Variants in DNAJC10 observed in about 807,000 individuals in gnomAD.
DNAJC10 encodes the protein DnaJ heat shock protein family (Hsp40) member C10, also known as endoplasmic reticulum disulfide reductase DNAJC10.
In DNAJC10, 101 loss-of-function variants were observed where a neutral mutation model predicts 115.0. The observed-to-expected ratio is 0.88, with a 90% CI of 0.75 to 1.04. The LOEUF is 1.04. Among genes scored for constraint, DNAJC10 ranks in the 50% least tolerant of loss-of-function variants. The pLI is 0.00. For synonymous variants in DNAJC10, 307 were observed against 301.5 expected (o/e 1.02, Z -0.19); for missense variants, 981 against 928.8 (o/e 1.06, Z -0.73).
chr2:182,727,284 T>G (rs1034644682), intron 5 of DNAJC10, among the ~76,000 whole-genome samples: 1 of 152,132 alleles, frequency 6.6e-6, no homozygotes, highest in Non-Finnish European at 1.5e-5. Flanking sequence ...CAAATTTGTT[T>G]TACAGCATAT....
intron 11 of DNAJC10, among the ~76,000 whole-genome samples, chr2:182,739,359 GC>G (rs1397187906): frequency 6.6e-6 from 1 of 151,052 alleles, no homozygotes; most frequent in African/African-American, 2.4e-5. Context: ...CTCATGTCTA[GC>G]ATGATTAAAC....
intron 22 of DNAJC10, among the ~76,000 whole-genome samples, chr2:182,773,411 T>C (rs1694618424): frequency 6.6e-6 from 1 of 152,182 alleles, no homozygotes; most frequent in African/African-American, 2.4e-5. Flanking sequence ...CTGGATAATA[T>C]CCTGAAGAGT....
At position 182,792,690 on chromosome 2, in the gene DNAJC10, A is replaced by G. The variant is rs937837519; in HGVS notation, c.*15558A>G. 4 of 152,212 alleles carry G rather than the reference A, an allele frequency of 2.6e-5. 1 individual carries two copies. The highest frequency in any genetic ancestry group is 4.4e-5 in the Non-Finnish European group (3 of 68,046). 9.4% of individuals were successfully genotyped at this position (152,212 alleles called of 1,614,324 possible). On this transcript the variant is annotated 3_prime_UTR_variant, in exon 24 of 24. Transcript: ENST00000264065. Reference sequence around the variant, plus strand: ...TGAAGTTAGACTCAATTCTTCCGCTAATGGAACATCGTAATCCTCCTTGTC... The same window carrying G: ...TGAAGTTAGACTCAATTCTTCCGCTGATGGAACATCGTAATCCTCCTTGTC...
intron 8 of DNAJC10, among the ~76,000 whole-genome samples, chr2:182,730,318 G>A (rs1693411194): frequency 1.3e-5 from 2 of 152,062 alleles, no homozygotes. Context: ...CTAATCTTAG[G>A]CTTTTAACTC....
At chr2:182,762,638 T>A in intron 21 of DNAJC10, 44 bp from the exon 22 acceptor site, 1 of 1,603,608 alleles carries the variant, frequency 6.2e-7, no homozygotes, top group Non-Finnish European at 8.5e-7. Context: ...GCCAAAATAG[T>A]TTATGCCAAA....
At position 182,736,377 on chromosome 2, in the gene DNAJC10, CAG is replaced by C. The variant is rs2105636229; in HGVS notation, c.979_980del (p.Ser327TyrfsTer10). ...CCACTTTAAATAACAAAGAGAAAAA[CAG>C]TATTTTGGTATGAATCACTTTAAAC... Reference protein sequence around the residue: ...GATLNNKEKNSILFLNSLDAK... With the variant: ...GATLNNKEKNXILFLNSLDAK... On this transcript the variant is annotated frameshift_variant, in exon 11 of 24. Coordinates refer to ENST00000264065, the MANE Select transcript of DNAJC10 (RefSeq NM_018981.4). LOFTEE classifies it high-confidence loss of function. 2 of 1,573,826 alleles carry C rather than the reference CAG, an allele frequency of 1.3e-6. No homozygotes were observed. The highest frequency in any genetic ancestry group is 2.4e-5 in the East Asian group (1 of 42,342).
At chr2:182,757,598 A>G (rs1559019024) in intron 18 of DNAJC10, 94 bp from the exon 19 acceptor site, 7 of 889,894 alleles carry the variant, frequency 7.9e-6, no homozygotes, top group Non-Finnish European at 1.0e-5. Context: ...GATAAATAAT[A>G]TAATAACTGT....
rs748977756 is a variant in DNAJC10 at position 182,728,618 on chromosome 2, A to C, written c.461A>C (p.Tyr154Ser). ...GGAGAACTGTGGTTTGTAAATTTTT[A>C]CTCCCCAGGCTGTTCACACTGCCAT... ...NSGELWFVNF[Y>S]SPGCSHCHDL... Residue 154 changes from tyrosine (Y) to serine (S), a missense_variant, in exon 6 of 24, where the codon TAC becomes TCC. Tyr to Ser is a moderately radical substitution (Grantham distance 144). Transcript: ENST00000264065. 1 of 1,611,958 alleles carries C rather than the reference A, an allele frequency of 6.2e-7. No homozygotes were observed. The highest frequency in any genetic ancestry group is 1.3e-5 in the African/African-American group (1 of 74,766).
intron 10 of DNAJC10, among the ~76,000 whole-genome samples, chr2:182,734,828 C>G (rs540583211): frequency 2.6e-5 from 4 of 151,728 alleles, no homozygotes; most frequent in African/African-American, 4.8e-5. Flanking sequence ...TATCTCCTTT[C>G]GTGCCTTTTG....
At chr2:182,754,912 G>A in intron 16 of DNAJC10, 91 bp from the exon 17 acceptor site, 3 of 1,302,180 alleles carry the variant, frequency 2.3e-6, no homozygotes, top group Admixed American at 2.3e-5. Context: ...TTAAAATCTT[G>A]TTCTTGTTAC....
intron 22 of DNAJC10, among the ~76,000 whole-genome samples, chr2:182,766,870 C>A (rs288292): frequency 6.6e-6 from 1 of 151,768 alleles, no homozygotes; most frequent in African/African-American, 2.4e-5. Context: ...GGTGCTGTTG[C>A]CTGAACGGGG....
chr2:182,726,606 C>G (rs1452807624), intron 5 of DNAJC10, among the ~76,000 whole-genome samples: 1 of 152,186 alleles, frequency 6.6e-6, no homozygotes, highest in African/African-American at 2.4e-5. Context: ...TCATTGTCAT[C>G]TCATTTTAAG....
chr2:182,750,145 CAA>C (rs538209337), intron 14 of DNAJC10, among the ~76,000 whole-genome samples: 8 of 152,036 alleles, frequency 5.3e-5, no homozygotes, highest in South Asian at 2.1e-4. Context: ...TGTGGGAGGT[CAA>C]GAGAGAGAGA....
rs1374241764 is a variant in DNAJC10, at chr2:182,789,490, G to C, written c.*12358G>C. Reference sequence around the variant, plus strand: ...CCTGCCTTGGTCTCCCAAAGTGCTGGGATTACAGGCGTGAGCCACCGCACC... The same window carrying C: ...CCTGCCTTGGTCTCCCAAAGTGCTGCGATTACAGGCGTGAGCCACCGCACC... On this transcript the variant is annotated 3_prime_UTR_variant, in exon 24 of 24. Coordinates refer to ENST00000264065, the MANE Select transcript of DNAJC10 (RefSeq NM_018981.4). 4 of 152,270 alleles carry C rather than the reference G, an allele frequency of 2.6e-5. No homozygotes were observed. Among genetic ancestry groups the C allele is most frequent in the Non-Finnish European group, 5.9e-5 (4 of 68,140 alleles). 9.4% of individuals were successfully genotyped at this position (152,270 alleles called of 1,614,324 possible).
intron 5 of DNAJC10, among the ~76,000 whole-genome samples, chr2:182,725,008 G>C (rs1211302058): frequency 6.6e-6 from 1 of 152,082 alleles, no homozygotes; most frequent in Non-Finnish European, 1.5e-5. Flanking sequence ...CATCAAGCGA[G>C]TCTATCAGCT....
chr2:182,731,447 T>C (rs1198536399), intron 9 of DNAJC10, among the ~76,000 whole-genome samples: 1 of 152,054 alleles, frequency 6.6e-6, no homozygotes, highest in African/African-American at 2.4e-5. Context: ...AAAATAATAA[T>C]TTTTTGGAAA....
In DNAJC10 at chr2:182,717,932, C is replaced by A; in HGVS notation, c.-146-9C>A. 2.0e-6 allele frequency: 1 copy of A among 498,168 alleles called. No homozygotes were observed. The highest frequency in any genetic ancestry group is 3.5e-6 in the Non-Finnish European group (1 of 288,028). The allele number at this position is 498,168 out of a possible 1,614,324, so 30.9% of individuals were successfully genotyped here. A position where few individuals can be genotyped will look rare whatever the true frequency, so the allele number is the denominator to read the frequency against. ...AAATGTATTTTAACTGCCTGCTTTT[C>A]TTTCTTAGATTAATATTTTTGGGGA... On this transcript the variant is annotated splice_polypyrimidine_tract_variant and intron_variant, in intron 2 of 23. Transcript: ENST00000264065.
At chr2:182,774,431 TG>T (rs1392166186) in intron 22 of DNAJC10, among the ~76,000 whole-genome samples, 1 of 152,256 alleles carries the variant, frequency 6.6e-6, no homozygotes, top group Non-Finnish European at 1.5e-5. Context: ...TGCTGCCTTT[TG>T]TTCAGCTATG....
At chr2:182,776,045 T>C (rs1350531718) in intron 23 of DNAJC10, among the ~76,000 whole-genome samples, 3 of 152,100 alleles carry the variant, frequency 2.0e-5, no homozygotes, top group Non-Finnish European at 4.4e-5. Context: ...TAGATTGTAA[T>C]GACAGTTGGA....
Sources: allele counts gnomAD v4.1 joint callset (sites outside exome capture counted in the v4.1 genomes callset), GRCh38; gene constraint gnomAD v4.1.1; transcripts MANE v1.5; gene names NCBI Gene and HGNC (gene_info 2026-07-23, HGNC 2026-07-21).